The following NEBL variants were observed in gnomAD, a reference collection of about 807,000 sequenced individuals.
NEBL encodes the protein nebulette, also known as LIM and SH3 protein 2.
A neutral mutation model predicts 140.2 loss-of-function variants in NEBL; 122 were observed. The observed-to-expected ratio is 0.87, with a 90% CI of 0.75 to 1.01. The LOEUF (loss-of-function observed/expected upper bound fraction) is 1.01. Among genes scored for constraint, NEBL ranks in the 50% least tolerant of loss-of-function variants. NEBL has a pLI of 0.00. For synonymous variants in NEBL, 436 were observed against 398.9 expected (o/e 1.09, Z -1.11); for missense variants, 1,365 against 1,231.3 (o/e 1.11, Z -1.62).
intron 3 of NEBL, among the ~76,000 whole-genome samples, chr10:21,201,508 T>C (rs1268316940): frequency 2.0e-5 from 3 of 152,186 alleles, no homozygotes; most frequent in African/African-American, 7.2e-5. Flanking sequence ...TTATACAATT[T>C]TGGAGTACTT....
At chr10:21,021,356 A>G (rs1838783637) in intron 2 of NEBL, among the ~76,000 whole-genome samples, 1 of 152,162 alleles carries the variant, frequency 6.6e-6, no homozygotes, top group South Asian at 2.1e-4. Context: ...CCCCTGAGTA[A>G]AACCTTTCAA....
chr10:21,000,754 G>T (rs1365377430), intron 3 of NEBL, among the ~76,000 whole-genome samples: 1 of 152,172 alleles, frequency 6.6e-6, no homozygotes, highest in East Asian at 1.9e-4. Flanking sequence ...TGGAGCAGAT[G>T]ACATCAGGTA....
chr10:20,870,310 A>T (rs1485633000), intron 5 of NEBL, among the ~76,000 whole-genome samples: 1 of 125,026 alleles, frequency 8.0e-6, no homozygotes, highest in Non-Finnish European at 1.6e-5. Context: ...TGGGCAAAAG[A>T]GTGGGACTTT....
chr10:21,243,938 A>AGGGAAGGGGAAG (rs56105656), intron 3 of NEBL, among the ~76,000 whole-genome samples: 4 of 136,286 alleles, frequency 2.9e-5, no homozygotes, highest in African/African-American at 5.2e-5. Context: ...GGAAAGGGAA[A>AGGGAAGGGGAAG]GGGAAGGGGA....
In NEBL at chr10:20,835,625, T is replaced by C. The variant is rs758412281; in HGVS notation, c.1339-2A>G. On this transcript the variant is annotated splice_acceptor_variant, in intron 13 of 27. Coordinates refer to ENST00000377122, the MANE Select transcript of NEBL (RefSeq NM_006393.3). LOFTEE classifies it high-confidence loss of function. ...CTCCAGGTCTTTCTTGTATTCTTTC[T>C]GCAAAAGACAACATTTTACAACATT... 8.8e-6 allele frequency: 14 copies of C among 1,588,258 alleles called. No individual in the cohort carries two copies. The East Asian group carries it at 1.3e-4, about 15-fold the overall frequency.
intron 2 of NEBL, among the ~76,000 whole-genome samples, chr10:21,087,649 G>A (rs903045853): frequency 3.9e-5 from 6 of 152,164 alleles, no homozygotes; most frequent in Non-Finnish European, 2.9e-5. Flanking sequence ...GGTGCCTATC[G>A]AGTAATAATG....
intron 4 of NEBL, among the ~76,000 whole-genome samples, chr10:20,882,555 A>G (rs1296432138): frequency 6.6e-6 from 1 of 152,214 alleles, no homozygotes; most frequent in African/African-American, 2.4e-5. Context: ...CAGAGTAGAA[A>G]TGCAATAAAT....
chr10:20,977,961 A>C (rs1253790517), intron 3 of NEBL, among the ~76,000 whole-genome samples: 2 of 152,256 alleles, frequency 1.3e-5, no homozygotes, highest in Admixed American at 6.5e-5. Flanking sequence ...CCACGAAAAG[A>C]ATACAGTATT....
intron 2 of NEBL, among the ~76,000 whole-genome samples, chr10:21,089,943 T>C (rs559148889): frequency 1.3e-5 from 2 of 152,324 alleles, no homozygotes; most frequent in South Asian, 2.1e-4. Context: ...TCTTCTATAG[T>C]GTGTCACATA....
At chr10:20,849,223 C>A (rs1329823254) in intron 11 of NEBL, among the ~76,000 whole-genome samples, 1 of 151,964 alleles carries the variant, frequency 6.6e-6, no homozygotes, top group Non-Finnish European at 1.5e-5. Flanking sequence ...CACACACATA[C>A]ACACACAAAT....
intron 4 of NEBL, among the ~76,000 whole-genome samples, chr10:20,935,809 T>C (rs1470508641): frequency 6.6e-6 from 1 of 152,132 alleles, no homozygotes; most frequent in Non-Finnish European, 1.5e-5. Flanking sequence ...AATAATAATC[T>C]AAGAAGAATT....
chr10:20,939,438 G>T (rs1001416904), intron 4 of NEBL, among the ~76,000 whole-genome samples: 24 of 152,202 alleles, frequency 1.6e-4, no homozygotes, highest in Middle Eastern at 3.4e-3. Context: ...AAGGAAGCAC[G>T]AAACTTGGAA....
intron 2 of NEBL, among the ~76,000 whole-genome samples, chr10:21,067,672 A>G (rs1222743524): frequency 2.0e-5 from 3 of 152,126 alleles, no homozygotes; most frequent in African/African-American, 4.8e-5. Context: ...TCTGAGAGAG[A>G]ACACCTTCCT....
chr10:21,274,359 C>T (rs962853295), intron 1 of NEBL, among the ~76,000 whole-genome samples: 4 of 152,216 alleles, frequency 2.6e-5, no homozygotes, highest in African/African-American at 7.2e-5. Context: ...TTACCAATCA[C>T]ATAGTCGATT....
intron 3 of NEBL, among the ~76,000 whole-genome samples, chr10:21,217,633 T>C (rs573580183): frequency 6.6e-6 from 1 of 152,328 alleles, no homozygotes. Context: ...CTAGATAAGA[T>C]ACTTCGCTGC....
chr10:20,940,953 C>A (rs1834822356), intron 4 of NEBL, among the ~76,000 whole-genome samples: 1 of 152,038 alleles, frequency 6.6e-6, no homozygotes, highest in Non-Finnish European at 1.5e-5. Flanking sequence ...AATAGCTTAC[C>A]AACCAAAAAA....
intron 3 of NEBL, among the ~76,000 whole-genome samples, chr10:21,205,724 T>A (rs1207673757): frequency 1.3e-5 from 2 of 152,170 alleles, no homozygotes; most frequent in East Asian, 3.8e-4. Context: ...TCACCTTATA[T>A]TTAGGTATAT....
chr10:20,948,625 C>T (rs191486418), intron 4 of NEBL, among the ~76,000 whole-genome samples: 256 of 152,322 alleles, frequency 1.7e-3, no homozygotes, highest in Non-Finnish European at 2.7e-3. Flanking sequence ...GACACACACT[C>T]ACGCTGGAGG....
At chr10:20,860,548 C>A (rs372492021) in intron 7 of NEBL, among the ~76,000 whole-genome samples, 55 of 62,584 alleles carry the variant, frequency 8.8e-4, no homozygotes, top group Non-Finnish European at 1.5e-3. Context: ...AGAATATAAA[C>A]ACAAGTTCAC....
Sources: gnomAD v4.1 joint callset for allele counts (sites outside exome capture counted in the v4.1 genomes callset) on GRCh38, gnomAD v4.1.1 for gene constraint, MANE v1.5 for transcripts, NCBI Gene and HGNC (gene_info 2026-07-23, HGNC 2026-07-21) for gene names.